The following CCL28 variants were observed in gnomAD, a reference collection of about 807,000 sequenced individuals.
CCL28 encodes the protein C-C motif chemokine 28.
A neutral mutation model predicts 7.1 loss-of-function variants in CCL28; 4 were observed. That is an observed-to-expected ratio of 0.56 (90% CI 0.28 to 1.29). The LOEUF is 1.29. Ranked by LOEUF, CCL28 falls within the 50% of genes most tolerant of loss-of-function variation. The probability of loss-of-function intolerance (pLI) is 0.11; values close to 1 mark genes in which losing one functional copy is unlikely to be tolerated. For synonymous variants in CCL28, 55 were observed against 57.8 expected, an observed-to-expected ratio of 0.95 and a Z score of 0.22; for missense variants, 151 against 163.4, an observed-to-expected ratio of 0.92 and a Z score of 0.41.
intron 2 of CCL28, among the ~76,000 whole-genome samples, chr5:43,382,758 T>C (rs1740172813): frequency 6.6e-6 from 1 of 152,206 alleles, no homozygotes; most frequent in African/African-American, 2.4e-5. Flanking sequence ...GTTAACATTT[T>C]AATATGATAT....
the CCL28 span, among the ~76,000 whole-genome samples, chr5:43,361,787 T>C: frequency 6.6e-6 from 1 of 152,002 alleles, no homozygotes; most frequent in Non-Finnish European, 1.5e-5. Flanking sequence ...TTGTTGAAGC[T>C]GATCAGATAG....
the CCL28 span, among the ~76,000 whole-genome samples, chr5:43,362,888 A>G: frequency 6.6e-6 from 1 of 152,220 alleles, no homozygotes; most frequent in African/African-American, 2.4e-5. Context: ...AGATTTGTTC[A>G]GGCATGTCCT....
At chr5:43,401,027 G>A (rs1348081545) in intron 1 of CCL28, among the ~76,000 whole-genome samples, 1 of 150,606 alleles carries the variant, frequency 6.6e-6, no homozygotes, top group African/African-American at 2.5e-5. Context: ...AGGTTGCAGT[G>A]AGCAGAGACC....
At chr5:43,400,679 CAG>C (rs1167012720) in intron 1 of CCL28, among the ~76,000 whole-genome samples, 2 of 152,088 alleles carry the variant, frequency 1.3e-5, no homozygotes, top group Non-Finnish European at 1.5e-5. Context: ...AAAATAGAAA[CAG>C]AGTAAAGAAA....
the CCL28 span, among the ~76,000 whole-genome samples, chr5:43,364,502 A>G: frequency 6.6e-6 from 1 of 152,178 alleles, no homozygotes; most frequent in African/African-American, 2.4e-5. Context: ...AAAATAAAGA[A>G]TTTTTTAAAA....
At chr5:43,383,645 G>A (rs1366426656) in intron 2 of CCL28, among the ~76,000 whole-genome samples, 12 of 151,976 alleles carry the variant, frequency 7.9e-5, no homozygotes, top group Admixed American at 7.9e-4. Flanking sequence ...AGGAGAAAAC[G>A]TGGCTGTAGC....
chr5:43,404,217 A>T (rs867369191), intron 1 of CCL28, among the ~76,000 whole-genome samples: 11 of 152,236 alleles, frequency 7.2e-5, no homozygotes, highest in Non-Finnish European at 1.5e-5. Context: ...CAGATTCACC[A>T]AAGTTGAAAT....
intron 2 of CCL28, chr5:43,388,042 G>A (rs1740412559): frequency 4.1e-6 from 1 of 246,690 alleles, no homozygotes; most frequent in African/African-American, 2.2e-5. Flanking sequence ...CTTTTGTTTG[G>A]GGTTTTGTTT....
intron 2 of CCL28, among the ~76,000 whole-genome samples, chr5:43,386,608 T>C (rs571959126): frequency 4.6e-5 from 7 of 152,308 alleles, no homozygotes; most frequent in African/African-American, 1.7e-4. Flanking sequence ...CTCAGAAACT[T>C]TGAGAATCTT....
intron 1 of CCL28, among the ~76,000 whole-genome samples, chr5:43,392,190 C>T (rs1740600409): frequency 6.6e-6 from 1 of 152,174 alleles, no homozygotes; most frequent in African/African-American, 2.4e-5. Flanking sequence ...GATCTCGGCT[C>T]ATTGCAACCT....
At position 43,398,990 on chromosome 5, in the gene CCL28, AT is replaced by A. The variant is rs1414432088; in HGVS notation, c.65-10515del. 2.0e-5 allele frequency among the ~76,000 whole-genome samples: 3 copies of A among 152,252 alleles called. No homozygotes were observed. In the East Asian group the frequency reaches 5.8e-4, roughly 29 times the overall value. The stretch of plus-strand genomic sequence containing the variant: ...ACATCTCATGTTTAAAATTTTTACT[AT>A]GTCAGTAACTTCAAAATGTGTTTTT... On this transcript the variant is annotated intron_variant, in intron 1 of 2. Transcript: ENST00000361115.
At chr5:43,365,635 C>G in the CCL28 span, among the ~76,000 whole-genome samples, 3 of 152,112 alleles carry the variant, frequency 2.0e-5, no homozygotes, top group Admixed American at 6.6e-5. Context: ...GATTATATAT[C>G]TTGGGATTGC....
the CCL28 span, among the ~76,000 whole-genome samples, chr5:43,367,555 G>A: frequency 6.6e-6 from 1 of 152,134 alleles, no homozygotes; most frequent in South Asian, 2.1e-4. Flanking sequence ...ACCCTCTTTA[G>A]GCTGCACCCA....
chr5:43,411,359 C>T (rs1325465559), intron 1 of CCL28, among the ~76,000 whole-genome samples: 1 of 152,148 alleles, frequency 6.6e-6, no homozygotes, highest in Non-Finnish European at 1.5e-5. Context: ...GTAGTGAGTG[C>T]TACTTTAGAA....
intron 1 of CCL28, among the ~76,000 whole-genome samples, chr5:43,392,979 C>G (rs984236135): frequency 6.6e-6 from 1 of 152,088 alleles, no homozygotes; most frequent in African/African-American, 2.4e-5. Flanking sequence ...AGTCAGATAT[C>G]ATAAAAATAA....
chr5:43,381,886 T>C lies in CCL28; in HGVS notation c.358A>G (p.Thr120Ala), dbSNP rs369418958. 5 of 1,613,954 alleles carry C rather than the reference T, an allele frequency of 3.1e-6. No individual in the cohort carries two copies. The highest frequency in any genetic ancestry group is 1.7e-5 in the Admixed American group (1 of 59,984). ...SNRAHQGKHETYGHKTPY is the reference protein window; with the variant it reads ...SNRAHQGKHEAYGHKTPY ...TAATAAGGAGTTTTATGGCCGTATG[T>C]TTCGTGTTTCCCCTGATGTGCCCTG... Residue 120 changes from threonine to alanine, a missense_variant, in exon 3 of 3, where the codon ACA (threonine) becomes GCA (alanine). Coordinates refer to ENST00000361115, the MANE Select transcript of CCL28 (RefSeq NM_148672.3).
chr5:43,385,177 G>A (rs1471697456), intron 2 of CCL28, among the ~76,000 whole-genome samples: 2 of 152,208 alleles, frequency 1.3e-5, no homozygotes, highest in African/African-American at 4.8e-5. Context: ...GATTACAGGC[G>A]TGAGCCACCG....
In CCL28 at chr5:43,380,447, A is replaced by C. The variant is rs1394136432; in HGVS notation, c.*1413T>G. ...TTTATGAACTCTAAATGACAAAATA[A>C]GTACACGAATTCACGTAGGAAATTC... On this transcript the variant is annotated 3_prime_UTR_variant, in exon 3 of 3. Coordinates refer to ENST00000361115, the MANE Select transcript of CCL28 (RefSeq NM_148672.3). The C allele has an allele frequency of 6.6e-6, 1 of 152,250 alleles. No homozygotes were observed. The highest frequency in any genetic ancestry group is 1.5e-5 in the Non-Finnish European group (1 of 68,048). 9.4% of individuals were successfully genotyped at this position (152,250 alleles called of 1,614,324 possible).
chr5:43,406,201 G>A (rs79475941), intron 1 of CCL28, among the ~76,000 whole-genome samples: 2,071 of 152,082 alleles, frequency 0.014, 39 homozygotes, highest in East Asian at 0.083. Flanking sequence ...CAAAAAAAGA[G>A]AATTTTAGAC....
Sources: gnomAD v4.1 joint callset for allele counts (sites outside exome capture counted in the v4.1 genomes callset) on GRCh38, gnomAD v4.1.1 for gene constraint, MANE v1.5 for transcripts, NCBI Gene and HGNC (gene_info 2026-07-23, HGNC 2026-07-21) for gene names.